Variants in IQGAP2 observed in about 807,000 individuals in gnomAD.
The protein encoded by IQGAP2 is ras GTPase-activating-like protein IQGAP2.
In IQGAP2, 173 loss-of-function variants were observed where a neutral mutation model predicts 201.3. The ratio of observed to expected loss-of-function variants is 0.86; its 90% CI spans 0.76 to 0.98. The LOEUF is 0.98. Ranked by LOEUF, IQGAP2 falls within the 50% of genes least tolerant of loss-of-function variation. The pLI, the probability that IQGAP2 is intolerant of heterozygous loss-of-function variation, is 0.00. For missense variants in IQGAP2, 1,687 were observed against 1,864.8 expected, an observed-to-expected ratio of 0.90 and a Z score of 1.76; for synonymous variants, 675 against 673.9, an observed-to-expected ratio of 1.00 and a Z score of -0.03.
At chr5:76,671,553 T>C (rs1214285660) in intron 23 of IQGAP2, among the ~76,000 whole-genome samples, 3 of 151,796 alleles carry the variant, frequency 2.0e-5, no homozygotes, top group Admixed American at 6.6e-5. Context: ...GGGCATGTGG[T>C]GGTGCACACC....
chr5:76,472,405 T>C (rs1405542582), intron 2 of IQGAP2, among the ~76,000 whole-genome samples: 1 of 152,138 alleles, frequency 6.6e-6, no homozygotes, highest in Non-Finnish European at 1.5e-5. Context: ...CAGCTGGCGG[T>C]GACCAGGGAT....
At chr5:76,647,850 CAA>C (rs869083672) in intron 17 of IQGAP2, among the ~76,000 whole-genome samples, 40 of 150,358 alleles carry the variant, frequency 2.7e-4, no homozygotes, top group South Asian at 6.3e-4. Context: ...CACACACACA[CAA>C]ACGAAAAAAA....
chr5:76,463,940 TG>T (rs1754632769), intron 2 of IQGAP2, among the ~76,000 whole-genome samples: 1 of 151,868 alleles, frequency 6.6e-6, no homozygotes, highest in East Asian at 1.9e-4. Context: ...CTCTGCCTCC[TG>T]GGTTCAAGTG....
At chr5:76,415,217 T>C (rs1751345778) in intron 1 of IQGAP2, among the ~76,000 whole-genome samples, 1 of 152,212 alleles carries the variant, frequency 6.6e-6, no homozygotes, top group African/African-American at 2.4e-5. Context: ...GTTTTGAGAA[T>C]AATGTGGACA....
At chr5:76,416,867 C>T (rs1356091222) in intron 1 of IQGAP2, among the ~76,000 whole-genome samples, 1 of 152,124 alleles carries the variant, frequency 6.6e-6, no homozygotes, top group African/African-American at 2.4e-5. Context: ...CTTACTCTAT[C>T]ACCCAGGCTG....
In IQGAP2 at chr5:76,597,575, T is replaced by C; in HGVS notation, c.1044T>C (p.Leu348=). The change falls in exon 10 of 36, where the codon CTT becomes CTC. Residue 348 remains leucine (L), a synonymous_variant. Transcript: ENST00000274364. ...PFAAAMYQNE[L]FNLQKQNTMN... ...CTGCTGCCATGTATCAGAACGAACT[T>C]TTCAACCTCCAGAAACAGAACACCA... 1 of 1,613,788 alleles carries C rather than the reference T, an allele frequency of 6.2e-7. No individual in the cohort carries two copies. Among genetic ancestry groups the C allele is most frequent in the South Asian group, 1.1e-5 (1 of 91,056 alleles).
intron 22 of IQGAP2, among the ~76,000 whole-genome samples, chr5:76,665,443 A>G (rs932485486): frequency 1.4e-4 from 22 of 152,238 alleles, no homozygotes; most frequent in African/African-American, 5.1e-4. Context: ...ATGATAAAGC[A>G]GGGGTTTTGA....
At chr5:76,659,945 T>G (rs1743110106) in intron 21 of IQGAP2, 1 of 150,522 alleles carries the variant, frequency 6.6e-6, no homozygotes, top group African/African-American at 2.5e-5. Flanking sequence ...AAAAAAAAAG[T>G]ATAAAAAGTG....
At chr5:76,616,982 A>G (rs1272830200) in intron 13 of IQGAP2, 1 of 152,470 alleles carries the variant, frequency 6.6e-6, no homozygotes, top group African/African-American at 2.4e-5. Context: ...AAAGAATAAA[A>G]AATGATGTCA....
intron 1 of IQGAP2, among the ~76,000 whole-genome samples, chr5:76,452,997 G>A (rs1258961101): frequency 7.4e-6 from 1 of 135,020 alleles, no homozygotes; most frequent in Non-Finnish European, 1.5e-5. Flanking sequence ...TGCAACCTCC[G>A]CCTCCCAGGT....
chr5:76,695,480 G>A lies in IQGAP2; in HGVS notation c.4020G>A (p.Val1340=). The change falls in exon 32 of 36, where the codon GTG becomes GTA. Residue 1340 remains valine (V), a synonymous_variant. Coordinates refer to ENST00000274364, the MANE Select transcript of IQGAP2 (RefSeq NM_006633.5). ...AGGTAGACCATGCCACGGACATGGT[G>A]AGCCGTGCAATGATAGATTCCAGGA... The part of the protein sequence containing the change: ...QQEVDHATDM[V]SRAMIDSRTP... 6.2e-7 allele frequency: 1 copy of A among 1,614,078 alleles called. No individual in the cohort carries two copies. Among genetic ancestry groups the A allele is most frequent in the Non-Finnish European group, 8.5e-7 (1 of 1,179,940 alleles).
intron 15 of IQGAP2, among the ~76,000 whole-genome samples, chr5:76,633,862 G>T (rs77060466): frequency 6.6e-6 from 1 of 151,974 alleles, no homozygotes; most frequent in Non-Finnish European, 1.5e-5. Context: ...TAGTCAGTTC[G>T]TCCTTTTTTG....
At chr5:76,488,482 C>T (rs1408158274) in intron 2 of IQGAP2, among the ~76,000 whole-genome samples, 2 of 151,970 alleles carry the variant, frequency 1.3e-5, no homozygotes, top group Non-Finnish European at 1.5e-5. Context: ...AAGTTCCCTG[C>T]GAAAGATTCT....
intron 33 of IQGAP2, among the ~76,000 whole-genome samples, chr5:76,698,946 A>T (rs1390857346): frequency 6.6e-6 from 1 of 152,200 alleles, no homozygotes; most frequent in East Asian, 1.9e-4. Context: ...TAATTAATTC[A>T]TATATGCATC....
chr5:76,613,654 A>C (rs570075138), intron 13 of IQGAP2, among the ~76,000 whole-genome samples: 1 of 152,124 alleles, frequency 6.6e-6, no homozygotes, highest in Non-Finnish European at 1.5e-5. Context: ...GTGGGCACCT[A>C]TGGTTGCCTC....
chr5:76,483,680 A>C (rs1307502945), intron 2 of IQGAP2, among the ~76,000 whole-genome samples: 5 of 152,192 alleles, frequency 3.3e-5, no homozygotes, highest in Non-Finnish European at 7.3e-5. Flanking sequence ...TCCTGAAATA[A>C]AGCTAATTTA....
At chr5:76,687,584 T>C (rs1306327912) in intron 30 of IQGAP2, among the ~76,000 whole-genome samples, 2 of 152,176 alleles carry the variant, frequency 1.3e-5, no homozygotes, top group East Asian at 3.9e-4. Context: ...CAAGTGAAGC[T>C]TCATCCTGTA....
chr5:76,555,416 C>T (rs148523419), intron 2 of IQGAP2, among the ~76,000 whole-genome samples: 84 of 152,288 alleles, frequency 5.5e-4, no homozygotes, highest in Middle Eastern at 3.4e-3. Flanking sequence ...GAGTATTAAG[C>T]GACCTGTTCC....
chr5:76,492,957 T>C (rs1756649410), intron 2 of IQGAP2, among the ~76,000 whole-genome samples: 3 of 152,306 alleles, frequency 2.0e-5, no homozygotes, highest in Non-Finnish European at 1.5e-5. Flanking sequence ...TTGACTGATA[T>C]GCGTACCAGC....
Sources: gnomAD v4.1 joint callset for allele counts (sites outside exome capture counted in the v4.1 genomes callset) on GRCh38, gnomAD v4.1.1 for gene constraint, MANE v1.5 for transcripts, NCBI Gene and HGNC (gene_info 2026-07-23, HGNC 2026-07-21) for gene names.